PLCG2: variants seen among roughly 807,000 people sequenced by gnomAD.
PLCG2 encodes the protein 1-phosphatidylinositol 4,5-bisphosphate phosphodiesterase gamma-2.
A neutral mutation model predicts 175.6 loss-of-function variants in PLCG2; 69 were observed. The observed-to-expected ratio is 0.39, with a 90% confidence interval of 0.32 to 0.48. The LOEUF (loss-of-function observed/expected upper bound fraction) is 0.48, where lower values mean the gene tolerates loss of function less well. PLCG2 is among the 20% of genes least tolerant of loss of function. The pLI is 0.91. For missense variants in PLCG2, 1,798 were observed against 1,650.9 expected (o/e 1.09, Z -1.54); for synonymous variants, 827 against 624.0 (o/e 1.33, Z -4.85).
chr16:81,740,154 A>AG (rs1454685789), intron 1 of PLCG2: 1 of 151,512 alleles, frequency 6.6e-6, no homozygotes, highest in African/African-American at 2.4e-5. Context: ...AAAAAAAAAA[A>AG]AAAAGAAAGA....
In PLCG2 at chr16:81,833,094, AG is replaced by A. The variant is rs548916197; in HGVS notation, c.194-21347del. 3.4e-4 allele frequency among the ~76,000 whole-genome samples: 52 copies of A among 152,292 alleles called. No individual in the cohort carries two copies. In the South Asian group the frequency reaches 0.011, roughly 32 times the overall value. On this transcript the variant is annotated intron_variant, in intron 2 of 32. Transcript: ENST00000564138. ...CTTGTGGGGACTTACAGCCAAGGTGAGGGTGCTTTCCTGCTGGCACCCACCT... is the reference window on the plus strand; with the variant it reads ...CTTGTGGGGACTTACAGCCAAGGTGAGGTGCTTTCCTGCTGGCACCCACCT...
At chr16:81,949,603 C>T (rs1403762418) in intron 31 of PLCG2, among the ~76,000 whole-genome samples, 4 of 151,996 alleles carry the variant, frequency 2.6e-5, no homozygotes, top group African/African-American at 9.7e-5. Context: ...GCCCCTGAAT[C>T]GATGATTATT....
Position 81,764,703 on chromosome 16 carries a change from C to T in PLCG2, c.-48+8737C>T, listed in dbSNP as rs576787676. 6.6e-5 allele frequency among the ~76,000 whole-genome samples: 10 copies of T among 152,272 alleles called. No homozygotes were observed. In the East Asian group the frequency reaches 1.9e-3, roughly 29 times the overall value. ...GAACAGTGTCCCCCAAATTTATGTC[C>T]AGCTGGAACCTCAGAACATAGCTGT... On this transcript the variant is annotated intron_variant, in intron 2 of 5. Transcript: ENST00000565054.
intron 8 of PLCG2, among the ~76,000 whole-genome samples, chr16:81,882,466 G>A (rs1368091107): frequency 2.0e-5 from 3 of 152,096 alleles, no homozygotes; most frequent in Admixed American, 6.5e-5. Context: ...CGTGGCTTCT[G>A]AGGAGGCCCT....
At chr16:81,933,375 C>T (rs1248550229) in intron 25 of PLCG2, among the ~76,000 whole-genome samples, 3 of 152,164 alleles carry the variant, frequency 2.0e-5, no homozygotes, top group African/African-American at 4.8e-5. Context: ...CTCTTTGTCA[C>T]TGCCAGGACC....
rs137998840 is a variant in PLCG2, at chr16:81,961,713, T to C, written c.*3715T>C. On this transcript the variant is annotated 3_prime_UTR_variant, in exon 33 of 33. Coordinates refer to ENST00000564138, the MANE Select transcript of PLCG2 (RefSeq NM_002661.5). The stretch of plus-strand genomic sequence containing the variant: ...TAAAATTTTTAAAAAGATCATAGTA[T>C]CTATCAAATAACTTATATTAAGAAC... 2.1e-3 allele frequency: 429 copies of C among 207,772 alleles called. 4 individuals are homozygous for C. Among genetic ancestry groups the C allele is most frequent in the African/African-American group, 9.0e-3 (396 of 44,028 alleles). 12.9% of individuals were successfully genotyped at this position (207,772 alleles called of 1,614,324 possible). A position where few individuals can be genotyped will look rare whatever the true frequency, so the allele number is the denominator to read the frequency against.
intron 19 of PLCG2, among the ~76,000 whole-genome samples, chr16:81,914,508 C>G (rs1348562154): frequency 6.6e-6 from 1 of 152,186 alleles, no homozygotes. Flanking sequence ...GACTTACATA[C>G]ACGCCCCATT....
At chr16:81,881,803 G>C (rs1169138621) in intron 8 of PLCG2, among the ~76,000 whole-genome samples, 1 of 145,806 alleles carries the variant, frequency 6.9e-6, no homozygotes, top group Non-Finnish European at 1.5e-5. Flanking sequence ...ATCATGTCCA[G>C]CTATTGTTTT....
At chr16:81,934,369 G>T (rs550579980) in intron 25 of PLCG2, 60 bp from the exon 26 acceptor site, 117 of 1,032,164 alleles carry the variant, frequency 1.1e-4, no homozygotes, top group Admixed American at 2.5e-4. Context: ...AAAATGCAGG[G>T]CGAGCTGGGA....
In PLCG2 at chr16:81,935,457, C is replaced by T. The variant is rs547011714; in HGVS notation, c.2843-712C>T. ...AAAAAAGACCTTCTACCACATTCTCCAGGTAGCAAGCTTTTTGATGATGCT... is the reference window on the plus strand; with the variant it reads ...AAAAAAGACCTTCTACCACATTCTCTAGGTAGCAAGCTTTTTGATGATGCT... On this transcript the variant is annotated intron_variant, in intron 26 of 32. Coordinates refer to ENST00000564138, the MANE Select transcript of PLCG2 (RefSeq NM_002661.5). 358 of 881,166 alleles carry T rather than the reference C, an allele frequency of 4.1e-4. 1 individual carries two copies. Among genetic ancestry groups the T allele is most frequent in the Middle Eastern group, 1.2e-3 (2 of 1,734 alleles). The allele number at this position is 881,166 out of a possible 1,614,324, so 54.6% of individuals were successfully genotyped here.
intron 2 of PLCG2, among the ~76,000 whole-genome samples, chr16:81,821,118 CTGATGTCAAA>C (rs1904779762): frequency 6.6e-6 from 1 of 152,240 alleles, no homozygotes; most frequent in Non-Finnish European, 1.5e-5. Context: ...TCTAGAACTC[CTGATGTCAAA>C]TGATCTGCCC....
chr16:81,926,276 T>C (rs1393396127), intron 22 of PLCG2, among the ~76,000 whole-genome samples: 1 of 152,204 alleles, frequency 6.6e-6, no homozygotes, highest in Admixed American at 6.5e-5. Flanking sequence ...GGCTGGATTC[T>C]GGAGGCCCTG....
chr16:81,839,565 T>C (rs1420165311), intron 2 of PLCG2, among the ~76,000 whole-genome samples: 2 of 152,220 alleles, frequency 1.3e-5, no homozygotes, highest in Admixed American at 6.5e-5. Context: ...TATTTTAATA[T>C]TGATTCACTA....
In PLCG2 at chr16:81,937,787, T is replaced by C; in HGVS notation, c.3082T>C (p.Phe1028Leu). The C allele has an allele frequency of 6.2e-7, 1 of 1,614,074 alleles. No individual in the cohort carries two copies. Among genetic ancestry groups the C allele is most frequent in the Non-Finnish European group, 8.5e-7 (1 of 1,179,966 alleles). The change falls in exon 28 of 33, where the codon TTT becomes CTT. Residue 1028 changes from phenylalanine (F) to leucine (L), a missense_variant. Phe to Leu is a conservative substitution (Grantham distance 22, BLOSUM62 0). Coordinates refer to ENST00000564138, the MANE Select transcript of PLCG2 (RefSeq NM_002661.5). Reference protein sequence around the residue: ...DKYMQMNHALFSLNGRTGYVL... With the variant: ...DKYMQMNHALLSLNGRTGYVL... ...GTACATGCAGATGAATCACGCATTGTTTTCTCTCAATGGGCGCACGGGCTA... is the reference window on the plus strand; with the variant it reads ...GTACATGCAGATGAATCACGCATTGCTTTCTCTCAATGGGCGCACGGGCTA...
chr16:81,790,378 T>C (rs1911177047), intron 2 of PLCG2, among the ~76,000 whole-genome samples: 1 of 152,200 alleles, frequency 6.6e-6, no homozygotes, highest in African/African-American at 2.4e-5. Context: ...ATGGTGTTGG[T>C]AAAGTGACAG....
intron 23 of PLCG2, among the ~76,000 whole-genome samples, chr16:81,927,529 G>A (rs1023014257): frequency 3.9e-5 from 6 of 152,196 alleles, no homozygotes; most frequent in African/African-American, 7.2e-5. Flanking sequence ...CATTGAGAAC[G>A]TGCTTGGGGC....
chr16:81,824,163 C>T (rs867211639), intron 2 of PLCG2, among the ~76,000 whole-genome samples: 12 of 139,928 alleles, frequency 8.6e-5, no homozygotes, highest in South Asian at 2.6e-4. Flanking sequence ...CATGGAGTTT[C>T]ACTCTTGTCA....
At chr16:81,925,054 A>G (rs989896856) in intron 22 of PLCG2, among the ~76,000 whole-genome samples, 1 of 152,246 alleles carries the variant, frequency 6.6e-6, no homozygotes, top group Non-Finnish European at 1.5e-5. Flanking sequence ...GCTGGAGCCC[A>G]GGTGACTACT....
Position 81,908,514 on chromosome 16 carries a change from G to A in PLCG2, c.1656G>A (p.Met552Ile). The change falls in exon 17 of 33, where the codon ATG becomes ATA. Residue 552 changes from methionine to isoleucine, a missense_variant. Met to Ile is a conservative substitution (Grantham distance 10). Coordinates refer to ENST00000564138, the MANE Select transcript of PLCG2 (RefSeq NM_002661.5). ...SAEKLLQEYCMETGGKDGTFL... is the reference protein window; with the variant it reads ...SAEKLLQEYCIETGGKDGTFL... ...AGAAGTTGCTGCAGGAATACTGCAT[G>A]GAGACGGGGGGCAAGGATGGCACCT... 6.2e-7 allele frequency: 1 copy of A among 1,613,922 alleles called. No individual in the cohort carries two copies. Among genetic ancestry groups the A allele is most frequent in the South Asian group, 1.1e-5 (1 of 91,072 alleles).
Sources: gnomAD v4.1 joint callset for allele counts (sites outside exome capture counted in the v4.1 genomes callset) on GRCh38, gnomAD v4.1.1 for gene constraint, MANE v1.5 for transcripts, NCBI Gene and HGNC (gene_info 2026-07-23, HGNC 2026-07-21) for gene names.